SEPSECS: variants seen among roughly 807,000 people sequenced by gnomAD.
SEPSECS encodes the protein Sep (O-phosphoserine) tRNA:Sec (selenocysteine) tRNA synthase.
Under a neutral mutation model 52.1 loss-of-function variants are expected in SEPSECS, and 42 were observed. That is an observed-to-expected ratio of 0.81 (90% confidence interval 0.63 to 1.04). The LOEUF is 1.04. Among genes scored for constraint, SEPSECS ranks in the 50% least tolerant of loss-of-function variants. The pLI is 0.00. For missense variants in SEPSECS, 590 were observed against 610.6 expected (o/e 0.97, Z 0.36); for synonymous variants, 216 against 211.4 (o/e 1.02, Z -0.19).
intron 5 of SEPSECS, among the ~76,000 whole-genome samples, chr4:25,153,937 A>C (rs1396777161): frequency 3.3e-5 from 5 of 152,128 alleles, no homozygotes; most frequent in Non-Finnish European, 5.9e-5. Context: ...ACGAAAGCAA[A>C]GTATCCACAA....
In SEPSECS at chr4:25,144,945, T is replaced by G. The variant is rs560378169; in HGVS notation, c.934+59A>C. ...AATTAAGATTTACTACAATAGCCTATGTACAAATGGATTTTTGTTTGTTAG... is the reference window on the plus strand; with the variant it reads ...AATTAAGATTTACTACAATAGCCTAGGTACAAATGGATTTTTGTTTGTTAG... On this transcript the variant is annotated intron_variant, in intron 7 of 10. Coordinates refer to ENST00000382103, the MANE Select transcript of SEPSECS (RefSeq NM_016955.4). The G allele has an allele frequency of 8.4e-5, 134 of 1,601,634 alleles. 1 individual carries two copies. The highest frequency in any genetic ancestry group is 8.6e-7 in the Non-Finnish European group (1 of 1,168,922).
chr4:25,145,961 G>C (rs1016077627), intron 6 of SEPSECS, among the ~76,000 whole-genome samples: 5 of 152,128 alleles, frequency 3.3e-5, no homozygotes, highest in African/African-American at 1.2e-4. Flanking sequence ...TATAAACTTA[G>C]ATTTCATTCC....
intron 8 of SEPSECS, among the ~76,000 whole-genome samples, chr4:25,130,164 T>C (rs1276983234): frequency 6.6e-6 from 1 of 152,218 alleles, no homozygotes; most frequent in African/African-American, 2.4e-5. Context: ...TTTACATATT[T>C]CAGTGGTGAA....
chr4:25,149,590 T>TA (rs1176828795), intron 6 of SEPSECS, among the ~76,000 whole-genome samples: 1 of 152,144 alleles, frequency 6.6e-6, no homozygotes, highest in Non-Finnish European at 1.5e-5. Context: ...TTTGTTAGGG[T>TA]AATAGCATTA....
intron 8 of SEPSECS, among the ~76,000 whole-genome samples, chr4:25,141,682 C>A (rs1711557316): frequency 6.6e-6 from 1 of 152,194 alleles, no homozygotes; most frequent in Non-Finnish European, 1.5e-5. Flanking sequence ...GCATTCAAAG[C>A]CTGTCAGATC....
At chr4:25,127,433 G>T in intron 8 of SEPSECS, 76 bp from the exon 9 acceptor site, 2 of 1,051,264 alleles carry the variant, frequency 1.9e-6, no homozygotes, top group Non-Finnish European at 2.9e-6. Flanking sequence ...AATCTGATTG[G>T]TATGAAGTCT....
chr4:25,153,614 A>G (rs1712443870), intron 5 of SEPSECS, among the ~76,000 whole-genome samples: 1 of 152,028 alleles, frequency 6.6e-6, no homozygotes, highest in Admixed American at 6.5e-5. Context: ...TTGTCTGATT[A>G]ATTAACTAAT....
At chr4:25,126,364 A>T (rs918417199) in intron 9 of SEPSECS, among the ~76,000 whole-genome samples, 4 of 152,162 alleles carry the variant, frequency 2.6e-5, no homozygotes, top group African/African-American at 7.2e-5. Flanking sequence ...CAAGCTACAC[A>T]ATATCACCTT....
intron 8 of SEPSECS, 63 bp downstream of exon 8, chr4:25,144,711 A>T (rs1373757050): frequency 8.6e-7 from 1 of 1,169,424 alleles, no homozygotes; most frequent in Admixed American, 1.7e-5. Context: ...GGCAGAAAAC[A>T]CCAATGATTT....
At chr4:25,155,966 C>T (rs1712600811) in intron 4 of SEPSECS, 71 bp downstream of exon 4, 4 of 1,388,860 alleles carry the variant, frequency 2.9e-6, no homozygotes, top group East Asian at 4.7e-5. Flanking sequence ...TTTCATTTAT[C>T]TATCTTTATA....
At chr4:25,153,639 T>C (rs1292900805) in intron 5 of SEPSECS, among the ~76,000 whole-genome samples, 1 of 151,944 alleles carries the variant, frequency 6.6e-6, no homozygotes, top group Non-Finnish European at 1.5e-5. Context: ...ACAAAATGTA[T>C]ACTGTATCCA....
intron 6 of SEPSECS, among the ~76,000 whole-genome samples, chr4:25,148,502 C>T (rs541593249): frequency 2.0e-5 from 3 of 152,200 alleles, no homozygotes; most frequent in African/African-American, 7.2e-5. Context: ...AACCTGCACT[C>T]AACAAGACTC....
chr4:25,155,578 A>G (rs1712575913), intron 4 of SEPSECS, among the ~76,000 whole-genome samples: 1 of 152,232 alleles, frequency 6.6e-6, no homozygotes, highest in Admixed American at 6.5e-5. Context: ...TCAGAGATGG[A>G]CATAAATAAT....
At chr4:25,137,112 C>G (rs1047519869) in intron 8 of SEPSECS, among the ~76,000 whole-genome samples, 12 of 152,096 alleles carry the variant, frequency 7.9e-5, no homozygotes, top group African/African-American at 2.9e-4. Flanking sequence ...TATAAAAACC[C>G]TAGAAGAAAA....
chr4:25,152,577 CA>C (rs992356981), intron 5 of SEPSECS, among the ~76,000 whole-genome samples: 7 of 151,838 alleles, frequency 4.6e-5, no homozygotes, highest in Non-Finnish European at 8.8e-5. Context: ...GTGTCATTAC[CA>C]AAATAACTAA....
chr4:25,138,412 G>A (rs931698892), intron 8 of SEPSECS, among the ~76,000 whole-genome samples: 3 of 151,740 alleles, frequency 2.0e-5, no homozygotes, highest in Admixed American at 2.0e-4. Flanking sequence ...TTGAGTCCAG[G>A]AGTTCAAGAC....
Position 25,121,681 on chromosome 4 carries a change from T to C in SEPSECS, c.*2250A>G, listed in dbSNP as rs886059343. Reference sequence around the variant, plus strand: ...CCCTCAAATTTTAAGCCAGGAGGAATAGAGCTAGAATTCCAAAACCACTGA... The same window carrying C: ...CCCTCAAATTTTAAGCCAGGAGGAACAGAGCTAGAATTCCAAAACCACTGA... On this transcript the variant is annotated 3_prime_UTR_variant, in exon 11 of 11. Coordinates refer to ENST00000382103, the MANE Select transcript of SEPSECS (RefSeq NM_016955.4). The C allele has an allele frequency of 2.0e-5, 3 of 152,150 alleles. No individual in the cohort carries two copies. The highest frequency in any genetic ancestry group is 2.9e-5 in the Non-Finnish European group (2 of 68,004). 9.4% of individuals were successfully genotyped at this position (152,150 alleles called of 1,614,324 possible).
intron 8 of SEPSECS, among the ~76,000 whole-genome samples, chr4:25,139,620 G>A (rs1009238239): frequency 6.6e-6 from 1 of 151,996 alleles, no homozygotes; most frequent in Non-Finnish European, 1.5e-5. Context: ...TCTTGACCTC[G>A]TGATCTGCCC....
intron 10 of SEPSECS, among the ~76,000 whole-genome samples, chr4:25,124,477 C>G (rs961582516): frequency 2.0e-5 from 3 of 152,062 alleles, no homozygotes; most frequent in African/African-American, 7.2e-5. Flanking sequence ...CCTATAAGCT[C>G]TAGGAATCTC....
Sources: gnomAD v4.1 joint callset for allele counts (sites outside exome capture counted in the v4.1 genomes callset) on GRCh38, gnomAD v4.1.1 for gene constraint, MANE v1.5 for transcripts, NCBI Gene and HGNC (gene_info 2026-07-23, HGNC 2026-07-21) for gene names.